The following TLR4 variants were observed in gnomAD, a reference collection of about 807,000 sequenced individuals.
TLR4 encodes the protein toll-like receptor 4.
Under a neutral mutation model 27.4 loss-of-function variants are expected in TLR4, and 17 were observed. The observed-to-expected ratio is 0.62, with a 90% CI of 0.42 to 0.93. The LOEUF is 0.93. Among genes scored for constraint, TLR4 ranks in the 40% least tolerant of loss-of-function variants. The pLI is 0.00. For synonymous variants in TLR4, 363 were observed against 365.7 expected (o/e 0.99, Z 0.08); for missense variants, 926 against 962.3 (o/e 0.96, Z 0.50).
At position 117,708,691 on chromosome 9, in the gene TLR4, C is replaced by T. The variant is rs1481945729; in HGVS notation, c.222C>T (p.Phe74=). 2 of 1,613,892 alleles carry T rather than the reference C, an allele frequency of 1.2e-6. No homozygotes were observed. Among genetic ancestry groups the T allele is most frequent in the Non-Finnish European group, 1.7e-6 (2 of 1,179,820 alleles). The change falls in exon 2 of 3, where the codon TTC becomes TTT. Residue 74 remains phenylalanine, a synonymous_variant. Transcript: ENST00000355622. ...NPLRHLGSYS[F]FSFPELQVLD... Reference sequence around the variant, plus strand: ...TGAGGCATTTAGGCAGCTATAGCTTCTTCAGTTTCCCAGAACTGCAGGTGC... The same window carrying T: ...TGAGGCATTTAGGCAGCTATAGCTTTTTCAGTTTCCCAGAACTGCAGGTGC...
chr9:117,704,663 AG>A (rs1319054506), intron 1 of TLR4, 98 bp downstream of exon 1: 12 of 883,476 alleles, frequency 1.4e-5, no homozygotes, highest in African/African-American at 1.6e-5. Context: ...AAAAAAAAAA[AG>A]AGTTAAATTA....
chr9:117,709,464 A>G (rs528615767), intron 2 of TLR4, among the ~76,000 whole-genome samples: 1 of 152,280 alleles, frequency 6.6e-6, no homozygotes, highest in East Asian at 1.9e-4. Flanking sequence ...TGGGCAGGGA[A>G]TAATGGCTAA....
rs1260548445 is a variant in TLR4 at position 117,719,352 on chromosome 9, A to C, written c.*4704A>C. ...GTCATGTGTCCACTGTCACCTGCTC[A>C]TTGGTGGCAGCACTGAGATTAGGAT... On this transcript the variant is annotated 3_prime_UTR_variant, in exon 3 of 3. Transcript: ENST00000355622. 1 of 152,172 alleles carries C rather than the reference A, an allele frequency of 6.6e-6. No homozygotes were observed. Among genetic ancestry groups the C allele is most frequent in the Non-Finnish European group, 1.5e-5 (1 of 68,016 alleles). The allele number at this position is 152,172 out of a possible 1,614,324, so 9.4% of individuals were successfully genotyped here. A position where few individuals can be genotyped will look rare whatever the true frequency, so the allele number is the denominator to read the frequency against.
Position 117,714,555 on chromosome 9 carries a change from A to C in TLR4, c.2427A>C (p.Arg809Ser). Residue 809 changes from arginine (R) to serine (S), a missense_variant, in exon 3 of 3, where the codon AGA becomes AGC. Arg to Ser is a moderately radical substitution (Grantham distance 110). Transcript: ENST00000355622. ...TCCTGGGGCGGCACATCTTCTGGAG[A>C]CGACTCAGAAAAGCCCTGCTGGATG... ...DSVLGRHIFW[R>S]RLRKALLDGK... 6.2e-7 allele frequency: 1 copy of C among 1,613,924 alleles called. No homozygotes were observed. The highest frequency in any genetic ancestry group is 8.5e-7 in the Non-Finnish European group (1 of 1,179,996).
rs200246890 is a variant in TLR4 at position 117,712,741 on chromosome 9, A to C, written c.613A>C (p.Asn205His). 2 of 1,614,062 alleles carry C rather than the reference A, an allele frequency of 1.2e-6. No homozygotes were observed. The highest frequency in any genetic ancestry group is 1.7e-6 in the Non-Finnish European group (2 of 1,180,010). The change falls in exon 3 of 3, where the codon AAT (asparagine) becomes CAT (histidine). Residue 205 changes from asparagine (N) to histidine (H), a missense_variant. Physicochemically the swap from Asn to His is moderately conservative, Grantham distance 68 (BLOSUM62 1). Transcript: ENST00000355622. The part of the protein sequence containing the change: ...LRVLHQMPLL[N>H]LSLDLSLNPM... ...GGTTCTACATCAAATGCCCCTACTC[A>C]ATCTCTCTTTAGACCTGTCCCTGAA...
In TLR4 at chr9:117,720,013, A is replaced by G. The variant is rs1335178915; in HGVS notation, c.*5365A>G. The G allele has an allele frequency of 6.6e-6, 1 of 152,116 alleles. No individual in the cohort carries two copies. The highest frequency in any genetic ancestry group is 1.5e-5 in the Non-Finnish European group (1 of 68,016). The allele number at this position is 152,116 out of a possible 1,614,324, so 9.4% of individuals were successfully genotyped here. On this transcript the variant is annotated 3_prime_UTR_variant, in exon 3 of 3. Coordinates refer to ENST00000355622, the MANE Select transcript of TLR4 (RefSeq NM_138554.5). ...CACACAGCTTATATTAATCACAATA[A>G]CATTTGCCGCACCTTCTGTATTTTT...
chr9:117,707,063 A>G (rs151335855), intron 1 of TLR4, among the ~76,000 whole-genome samples: 3 of 152,334 alleles, frequency 2.0e-5, no homozygotes, highest in East Asian at 1.9e-4. Context: ...GGGCAAACCC[A>G]TCAAACTTGC....
chr9:117,712,835 A>C lies in TLR4; in HGVS notation c.707A>C (p.Asn236Thr), dbSNP rs1829259334. Reference sequence around the variant, plus strand: ...CTTCATAAGCTGACTTTAAGAAATAATTTTGATAGTTTAAATGTAATGAAA... The same window carrying C: ...CTTCATAAGCTGACTTTAAGAAATACTTTTGATAGTTTAAATGTAATGAAA... Reference protein sequence around the residue: ...IRLHKLTLRNNFDSLNVMKTC... With the variant: ...IRLHKLTLRNTFDSLNVMKTC... Residue 236 changes from asparagine to threonine, a missense_variant, in exon 3 of 3, where the codon AAT becomes ACT. Coordinates refer to ENST00000355622, the MANE Select transcript of TLR4 (RefSeq NM_138554.5). The C allele has an allele frequency of 6.2e-7, 1 of 1,613,994 alleles. No individual in the cohort carries two copies. The highest frequency in any genetic ancestry group is 1.3e-5 in the African/African-American group (1 of 75,020).
rs1345037002 is a variant in TLR4 at position 117,716,665 on chromosome 9, G to A, written c.*2017G>A. On this transcript the variant is annotated 3_prime_UTR_variant, in exon 3 of 3. Coordinates refer to ENST00000355622, the MANE Select transcript of TLR4 (RefSeq NM_138554.5). ...AGCTGTATAGCAGAGTTCGTATAAT[G>A]AACAATACTGTATTATGCACTTAAC... is the stretch of plus-strand genomic sequence containing the variant. 6.6e-6 allele frequency: 1 copy of A among 152,130 alleles called. No homozygotes were observed. The highest frequency in any genetic ancestry group is 2.4e-5 in the African/African-American group (1 of 41,430). The allele number at this position is 152,130 out of a possible 1,614,324, so 9.4% of individuals were successfully genotyped here.
Position 117,714,564 on chromosome 9 carries a change from A to G in TLR4, c.2436A>G (p.Arg812=), listed in dbSNP as rs1829309069. The change falls in exon 3 of 3, where the codon AGA becomes AGG. Residue 812 remains arginine, a synonymous_variant. Coordinates refer to ENST00000355622, the MANE Select transcript of TLR4 (RefSeq NM_138554.5). ...LGRHIFWRRL[R]KALLDGKSWN... ...GGCACATCTTCTGGAGACGACTCAGAAAAGCCCTGCTGGATGGTAAATCAT... is the reference window on the plus strand; with the variant it reads ...GGCACATCTTCTGGAGACGACTCAGGAAAGCCCTGCTGGATGGTAAATCAT... The G allele has an allele frequency of 6.2e-7, 1 of 1,613,838 alleles. No homozygotes were observed. Among genetic ancestry groups the G allele is most frequent in the Non-Finnish European group, 8.5e-7 (1 of 1,180,020 alleles).
In TLR4 at chr9:117,724,059, T is replaced by C. The variant is rs1316016995; in HGVS notation, c.*9411T>C. ...TTTCTTGAAATGCCATTCATGATGGTCCCTTATATCACTATAGGGCTGCTA... is the reference window on the plus strand; with the variant it reads ...TTTCTTGAAATGCCATTCATGATGGCCCCTTATATCACTATAGGGCTGCTA... On this transcript the variant is annotated 3_prime_UTR_variant, in exon 3 of 3. Transcript: ENST00000355622. The C allele has an allele frequency of 1.3e-5, 2 of 152,226 alleles. No individual in the cohort carries two copies. The highest frequency in any genetic ancestry group is 2.9e-5 in the Non-Finnish European group (2 of 68,050). 9.4% of individuals were successfully genotyped at this position (152,226 alleles called of 1,614,324 possible).
Position 117,713,700 on chromosome 9 carries a change from A to G in TLR4, c.1572A>G (p.Val524=). 1 of 1,614,036 alleles carries G rather than the reference A, an allele frequency of 6.2e-7. No individual in the cohort carries two copies. The highest frequency in any genetic ancestry group is 8.5e-7 in the Non-Finnish European group (1 of 1,180,022). ...TTAACTCACTCTCCAGTCTTCAGGT[A>G]CTAAATATGAGCCACAACAACTTCT... The part of the protein sequence containing the change: ...TAFNSLSSLQ[V]LNMSHNNFFS... Residue 524 remains valine, a synonymous_variant, in exon 3 of 3, where the codon GTA becomes GTG. Transcript: ENST00000355622.
chr9:117,707,802 G>A (rs1251063348), intron 1 of TLR4, among the ~76,000 whole-genome samples: 1 of 152,296 alleles, frequency 6.6e-6, no homozygotes, highest in East Asian at 1.9e-4. Context: ...TCAAAATCTG[G>A]GCCATGACTA....
rs1829453960 is a variant in TLR4 at position 117,724,208 on chromosome 9, T to C, written c.*9560T>C. Reference sequence around the variant, plus strand: ...CTCCCTTCCTGAGCTGTGGCATCTGTCTCTAAATCATGCTTCCTCCTTGCC... The same window carrying C: ...CTCCCTTCCTGAGCTGTGGCATCTGCCTCTAAATCATGCTTCCTCCTTGCC... On this transcript the variant is annotated 3_prime_UTR_variant, in exon 3 of 3. Transcript: ENST00000355622. 6.6e-6 allele frequency: 1 copy of C among 152,352 alleles called. No homozygotes were observed. The highest frequency in any genetic ancestry group is 2.1e-4 in the South Asian group (1 of 4,828). The allele number at this position is 152,352 out of a possible 1,614,324, so 9.4% of individuals were successfully genotyped here.
chr9:117,713,619 C>T lies in TLR4; in HGVS notation c.1491C>T (p.Asn497=), dbSNP rs1381744762. Residue 497 remains asparagine, a synonymous_variant, in exon 3 of 3, where the codon AAC becomes AAT. Coordinates refer to ENST00000355622, the MANE Select transcript of TLR4 (RefSeq NM_138554.5). ...CAGATATCTTCACAGAGCTGAGAAACTTGACCTTCCTGGACCTCTCTCAGT... is the reference window on the plus strand; with the variant it reads ...CAGATATCTTCACAGAGCTGAGAAATTTGACCTTCCTGGACCTCTCTCAGT... ...FLPDIFTELR[N]LTFLDLSQCQ... is the part of the protein sequence containing the mutation. 6.2e-7 allele frequency: 1 copy of T among 1,613,956 alleles called. No homozygotes were observed. Among genetic ancestry groups the T allele is most frequent in the African/African-American group, 1.3e-5 (1 of 74,912 alleles).
chr9:117,713,025 T>C lies in TLR4; in HGVS notation c.897T>C (p.Asp299=), dbSNP rs1172307843. 1 of 1,614,084 alleles carries C rather than the reference T, an allele frequency of 6.2e-7. No individual in the cohort carries two copies. The highest frequency in any genetic ancestry group is 1.7e-5 in the Admixed American group (1 of 60,012). Residue 299 remains aspartate, a synonymous_variant, in exon 3 of 3, where the codon GAT becomes GAC. Coordinates refer to ENST00000355622, the MANE Select transcript of TLR4 (RefSeq NM_138554.5). ...CATACTTAGACTACTACCTCGATGA[T>C]ATTATTGACTTATTTAATTGTTTGA... is the stretch of plus-strand genomic sequence containing the variant. ...RLAYLDYYLD[D]IIDLFNCLTN...
chr9:117,717,021 G>A lies in TLR4; in HGVS notation c.*2373G>A, dbSNP rs1028316588. On this transcript the variant is annotated 3_prime_UTR_variant, in exon 3 of 3. Transcript: ENST00000355622. ...CTAGGGTGATTGAACATCCCTGGGTGTGTTTCCATGTCTCATGTACTAGTG... is the reference window on the plus strand; with the variant it reads ...CTAGGGTGATTGAACATCCCTGGGTATGTTTCCATGTCTCATGTACTAGTG... 9 of 152,176 alleles carry A rather than the reference G, an allele frequency of 5.9e-5. No homozygotes were observed. The highest frequency in any genetic ancestry group is 1.9e-4 in the African/African-American group (8 of 41,454). The allele number at this position is 152,176 out of a possible 1,614,324, so 9.4% of individuals were successfully genotyped here.
rs781020364 is a variant in TLR4 at position 117,712,490 on chromosome 9, C to T, written c.362C>T (p.Ala121Val). ...CCCATCCAGAGTTTAGCCCTGGGAG[C>T]CTTTTCTGGACTATCAAGTTTACAG... ...GNPIQSLALGAFSGLSSLQKL... is the reference protein window; with the variant it reads ...GNPIQSLALGVFSGLSSLQKL... Residue 121 changes from alanine to valine, a missense_variant, in exon 3 of 3, where the codon GCC becomes GTC. Physicochemically the swap from Ala to Val is moderately conservative, Grantham distance 64 (BLOSUM62 0). Transcript: ENST00000355622. 6.2e-7 allele frequency: 1 copy of T among 1,613,858 alleles called. No homozygotes were observed. The highest frequency in any genetic ancestry group is 1.7e-5 in the Admixed American group (1 of 59,976).
chr9:117,708,107 T>C lies in TLR4; in HGVS notation c.94-456T>C, dbSNP rs937499186. The C allele has an allele frequency of 4.9e-6, 4 of 819,072 alleles. No individual in the cohort carries two copies. The African/African-American group carries it at 5.5e-5, about 11-fold the overall frequency. The allele number at this position is 819,072 out of a possible 1,614,324, so 50.7% of individuals were successfully genotyped here. On this transcript the variant is annotated intron_variant, in intron 1 of 2. Coordinates refer to ENST00000355622, the MANE Select transcript of TLR4 (RefSeq NM_138554.5). ...ATGTGCTACTGCAGCAAGCACGATA[T>C]TGGATATTTTATTACCTACATTTTA...
Sources: gnomAD v4.1 joint callset for allele counts (sites outside exome capture counted in the v4.1 genomes callset) on GRCh38, gnomAD v4.1.1 for gene constraint, MANE v1.5 for transcripts, NCBI Gene and HGNC (gene_info 2026-07-23, HGNC 2026-07-21) for gene names.